Variants in SLIT2 observed in about 807,000 individuals in gnomAD.
SLIT2 encodes slit homolog 2 protein.
A neutral mutation model predicts 185.7 loss-of-function variants in SLIT2; 41 were observed. The ratio of observed to expected loss-of-function variants is 0.22; its 90% CI spans 0.17 to 0.29. The LOEUF (loss-of-function observed/expected upper bound fraction) is 0.29. Ranked by LOEUF, SLIT2 falls within the 10% of genes least tolerant of loss-of-function variation. The pLI is 1.00. For missense variants in SLIT2, 1,571 were observed against 1,909.0 expected, an observed-to-expected ratio of 0.82 and a Z score of 3.30; for synonymous variants, 693 against 680.2, an observed-to-expected ratio of 1.02 and a Z score of -0.29.
Position 20,397,431 on chromosome 4 carries a change from C to T in SLIT2, c.396-70321C>T, listed in dbSNP as rs1460961062. ...GTTGTATAAATGATTTAGTAGTTCACTGCTTCTCAAAGCTGATTATCTACT... is the reference window on the plus strand; with the variant it reads ...GTTGTATAAATGATTTAGTAGTTCATTGCTTCTCAAAGCTGATTATCTACT... On this transcript the variant is annotated intron_variant, in intron 4 of 36. Coordinates refer to ENST00000504154, the MANE Select transcript of SLIT2 (RefSeq NM_004787.4). 2.0e-5 allele frequency among the ~76,000 whole-genome samples: 3 copies of T among 151,946 alleles called. 1 individual carries two copies. The South Asian group carries it at 6.2e-4, about 31-fold the overall frequency.
At chr4:20,501,928 C>G (rs527957568) in intron 9 of SLIT2, among the ~76,000 whole-genome samples, 1 of 152,268 alleles carries the variant, frequency 6.6e-6, no homozygotes, top group African/African-American at 2.4e-5. Context: ...AAACCATTTT[C>G]ATGAAGACTT....
At chr4:20,403,515 G>A (rs1577586984) in intron 4 of SLIT2, among the ~76,000 whole-genome samples, 1 of 152,078 alleles carries the variant, frequency 6.6e-6, no homozygotes, top group East Asian at 1.9e-4. Flanking sequence ...TTCATCAGGA[G>A]TACAATTTGT....
chr4:20,255,722 A>C (rs1396059246), intron 1 of SLIT2, among the ~76,000 whole-genome samples: 2 of 152,206 alleles, frequency 1.3e-5, no homozygotes, highest in African/African-American at 4.8e-5. Context: ...TCCTTGAAAA[A>C]ATATACATCC....
At chr4:20,273,183 A>C (rs2109038002) in intron 4 of SLIT2, among the ~76,000 whole-genome samples, 1 of 151,886 alleles carries the variant, frequency 6.6e-6, no homozygotes, top group African/African-American at 2.4e-5. Context: ...TCACTGCCAT[A>C]GAAGGAGACT....
At chr4:20,455,308 G>A (rs1383671799) in intron 4 of SLIT2, among the ~76,000 whole-genome samples, 1 of 152,114 alleles carries the variant, frequency 6.6e-6, no homozygotes, top group Non-Finnish European at 1.5e-5. Context: ...ATGTCTAGAG[G>A]TGAACCAGAA....
intron 25 of SLIT2, among the ~76,000 whole-genome samples, chr4:20,552,112 C>T (rs945996725): frequency 3.9e-5 from 6 of 152,156 alleles, no homozygotes; most frequent in African/African-American, 9.7e-5. Context: ...ATGGCTGCCA[C>T]GTGCATGAGC....
At position 20,545,636 on chromosome 4, in the gene SLIT2, A is replaced by G. The variant is rs1430034602; in HGVS notation, c.2277-395A>G. Among the ~76,000 whole-genome samples, 3 of 152,196 alleles carry G rather than the reference A, an allele frequency of 2.0e-5. No individual in the cohort carries two copies. The East Asian group carries it at 5.8e-4, about 29-fold the overall frequency. On this transcript the variant is annotated intron_variant, in intron 21 of 36. Transcript: ENST00000504154. Reference sequence around the variant, plus strand: ...CCATTGTTATTCACTAAGTGTATTGACACATATTAAGGCAGCAATGAGTGG... The same window carrying G: ...CCATTGTTATTCACTAAGTGTATTGGCACATATTAAGGCAGCAATGAGTGG...
chr4:20,387,194 A>C lies in SLIT2; in HGVS notation c.396-80558A>C, dbSNP rs753787828. On this transcript the variant is annotated intron_variant, in intron 4 of 36. Transcript: ENST00000504154. Reference sequence around the variant, plus strand: ...CCCACTAGAGCAGTACTTAACCTTTATTGTTGTTCTCAGGGCTCCTTTACA... The same window carrying C: ...CCCACTAGAGCAGTACTTAACCTTTCTTGTTGTTCTCAGGGCTCCTTTACA... Among the ~76,000 whole-genome samples, 10 of 152,208 alleles carry C rather than the reference A, an allele frequency of 6.6e-5. No individual in the cohort carries two copies. The South Asian group carries it at 1.0e-3, about 16-fold the overall frequency.
At chr4:20,491,579 T>C (rs111873470) in intron 8 of SLIT2, among the ~76,000 whole-genome samples, 182 bp from the exon 9 acceptor site, 6 of 152,236 alleles carry the variant, frequency 3.9e-5, no homozygotes, top group African/African-American at 1.4e-4. Context: ...TTTGCTTTAT[T>C]GACCTGAATA....
chr4:20,607,838 C>G (rs1474248642), intron 33 of SLIT2, among the ~76,000 whole-genome samples: 1 of 152,016 alleles, frequency 6.6e-6, no homozygotes, highest in Admixed American at 6.6e-5. Context: ...ATAGGACATC[C>G]ATATAAAACT....
chr4:20,502,675 T>C (rs1026821255), intron 9 of SLIT2, among the ~76,000 whole-genome samples: 1 of 152,114 alleles, frequency 6.6e-6, no homozygotes, highest in Admixed American at 6.5e-5. Flanking sequence ...AGGAAAATGA[T>C]AGAGTAGTGT....
chr4:20,254,248 C>G lies in SLIT2; in HGVS notation c.179+254C>G, dbSNP rs933410201. Among the ~76,000 whole-genome samples the G allele has an allele frequency of 5.9e-5, 9 of 152,172 alleles. No homozygotes were observed. The highest frequency in any genetic ancestry group is 1.2e-4 in the Non-Finnish European group (8 of 68,040). On this transcript the variant is annotated intron_variant, in intron 1 of 36. Transcript: ENST00000504154. This position sits in a 1 kb window ranked among gnomAD's most constrained non-coding sequence, Gnocchi z 5.1. ...TCGTCCCGCCACTCGCAGCTCCTTG[C>G]TGGCTAGTTCTCTGGGGCTGGGGAG...
chr4:20,517,973 A>G (rs1720361889), intron 11 of SLIT2, among the ~76,000 whole-genome samples: 1 of 151,374 alleles, frequency 6.6e-6, no homozygotes, highest in African/African-American at 2.4e-5. Context: ...TATTTTAGAG[A>G]TATATTAAAA....
intron 4 of SLIT2, among the ~76,000 whole-genome samples, chr4:20,359,446 C>T (rs1722574799): frequency 6.6e-6 from 1 of 152,018 alleles, no homozygotes; most frequent in African/African-American, 2.4e-5. Flanking sequence ...CTACTAAGCA[C>T]TTAAAAATTA....
chr4:20,256,146 G>A (rs6831088), intron 1 of SLIT2, among the ~76,000 whole-genome samples: 108,071 of 152,068 alleles, frequency 0.71, 38,785 homozygotes, highest in East Asian at 0.91. Flanking sequence ...AAATGCCTAT[G>A]AATGCAAGTC....
At chr4:20,615,461 GA>G (rs2148987866) in intron 34 of SLIT2, 1 of 152,354 alleles carries the variant, frequency 6.6e-6, no homozygotes, top group Non-Finnish European at 1.5e-5. Context: ...GGAGGGGAGA[GA>G]GGAGCCTGTA....
chr4:20,472,591 T>TATATCTAGATATATCG (rs1560455431), intron 5 of SLIT2, among the ~76,000 whole-genome samples: 3 of 14,984 alleles, frequency 2.0e-4, no homozygotes, highest in African/African-American at 9.0e-4. Context: ...TATATATAGA[T>TATATCTAGATATATCG]ATATATCTAT....
At position 20,544,030 on chromosome 4, in the gene SLIT2, G is replaced by A. The variant is rs527846024; in HGVS notation, c.2276+1404G>A. On this transcript the variant is annotated intron_variant, in intron 21 of 36. Transcript: ENST00000504154. ...CACACACCGGGGCCTGTCTTGGTGT[G>A]GGGGGATGGGGGAGGGATAGCATTA... Among the ~76,000 whole-genome samples the A allele has an allele frequency of 1.4e-4, 21 of 152,086 alleles. No individual in the cohort carries two copies. In the South Asian group the frequency reaches 1.7e-3, roughly 12 times the overall value.
chr4:20,445,716 T>G (rs1711709629), intron 4 of SLIT2, among the ~76,000 whole-genome samples: 4 of 152,352 alleles, frequency 2.6e-5, no homozygotes, highest in African/African-American at 9.6e-5. Context: ...TTCTAAGCTC[T>G]CTTTTTTCTC....
Sources: allele counts gnomAD v4.1 joint callset (sites outside exome capture counted in the v4.1 genomes callset), GRCh38; gene constraint gnomAD v4.1.1; non-coding constraint Gnocchi (gnomAD v3.1); transcripts MANE v1.5; gene names NCBI Gene and HGNC (gene_info 2026-07-23, HGNC 2026-07-21).